SGCD: variants seen among roughly 807,000 people sequenced by gnomAD.
The protein encoded by SGCD is sarcoglycan delta, also known as delta-sarcoglycan.
SGCD carries 18 observed loss-of-function variants against 36.6 expected under a neutral mutation model. The ratio of observed to expected loss-of-function variants is 0.49; its 90% CI spans 0.34 to 0.73. The LOEUF is 0.73. Among genes scored for constraint, SGCD ranks in the 30% least tolerant of loss-of-function variants. SGCD has a pLI of 0.01. For missense variants in SGCD, 387 were observed against 346.7 expected, an observed-to-expected ratio of 1.12 and a Z score of -0.92; for synonymous variants, 133 against 130.6, an observed-to-expected ratio of 1.02 and a Z score of -0.12.
chr5:156,195,278 C>T (rs902380548), intron 3 of SGCD, among the ~76,000 whole-genome samples: 1 of 152,120 alleles, frequency 6.6e-6, no homozygotes, highest in African/African-American at 2.4e-5. Context: ...CCATATGCTT[C>T]GCATTAATCA....
intron 3 of SGCD, among the ~76,000 whole-genome samples, chr5:156,133,925 A>G (rs1386811725): frequency 7.8e-5 from 6 of 76,668 alleles, no homozygotes; most frequent in Non-Finnish European, 1.4e-4. Flanking sequence ...ACACACACAC[A>G]CACACACACA....
chr5:155,962,286 T>C (rs545738978), intron 1 of SGCD, among the ~76,000 whole-genome samples: 3 of 152,240 alleles, frequency 2.0e-5, no homozygotes, highest in African/African-American at 7.2e-5. Flanking sequence ...TCAGAAACTC[T>C]GAAGTTCATA....
chr5:156,468,621 TTGTC>T (rs1185654415), intron 3 of SGCD, among the ~76,000 whole-genome samples: 2 of 152,182 alleles, frequency 1.3e-5, no homozygotes, highest in Non-Finnish European at 2.9e-5. Flanking sequence ...CAGGTTTTCT[TTGTC>T]TGATCTTGAA....
At position 156,261,949 on chromosome 5, in the gene SGCD, G is replaced by T. The variant is rs537101620; in HGVS notation, c.-43-67585G>T. Among the ~76,000 whole-genome samples, 113 of 152,250 alleles carry T rather than the reference G, an allele frequency of 7.4e-4. 1 individual carries two copies. Among genetic ancestry groups the T allele is most frequent in the African/African-American group, 2.6e-3 (108 of 41,552 alleles). ...AGAAAAATATTTGTGGTATACAGCTGTACGATGTATTTGTGCTTCAAACTA... is the reference window on the plus strand; with the variant it reads ...AGAAAAATATTTGTGGTATACAGCTTTACGATGTATTTGTGCTTCAAACTA... On this transcript the variant is annotated intron_variant, in intron 3 of 9. Coordinates refer to the SGCD transcript ENST00000517913.
At chr5:156,369,222 A>G (rs993452639) in intron 3 of SGCD, among the ~76,000 whole-genome samples, 9 of 152,230 alleles carry the variant, frequency 5.9e-5, no homozygotes, top group African/African-American at 2.2e-4. Flanking sequence ...TGAGTAGTGA[A>G]CATAGTTGAT....
intron 3 of SGCD, among the ~76,000 whole-genome samples, chr5:156,147,523 G>A (rs1263829142): frequency 1.3e-5 from 2 of 152,050 alleles, no homozygotes; most frequent in Non-Finnish European, 2.9e-5. Context: ...GTTTCTTGCT[G>A]CATCACTCCC....
chr5:156,474,064 G>A (rs1398849378), intron 3 of SGCD, among the ~76,000 whole-genome samples: 1 of 151,836 alleles, frequency 6.6e-6, no homozygotes, highest in Non-Finnish European at 1.5e-5. Flanking sequence ...TCTCCAGTGG[G>A]GGAGGGAGAG....
At chr5:156,317,388 C>A (rs1176943925) in intron 3 of SGCD, among the ~76,000 whole-genome samples, 2 of 152,070 alleles carry the variant, frequency 1.3e-5, no homozygotes, top group Non-Finnish European at 2.9e-5. Flanking sequence ...ATAACAGGAT[C>A]TTCTGATGAA....
At chr5:156,003,042 G>A (rs1244603622) in intron 1 of SGCD, among the ~76,000 whole-genome samples, 1 of 152,134 alleles carries the variant, frequency 6.6e-6, no homozygotes, top group Non-Finnish European at 1.5e-5. Flanking sequence ...GGTCTTCACC[G>A]GAGAGCCTCA....
chr5:156,330,395 T>C (rs1158635564), intron 2 of SGCD, among the ~76,000 whole-genome samples: 1 of 152,112 alleles, frequency 6.6e-6, no homozygotes, highest in East Asian at 1.9e-4. Flanking sequence ...TTAGGTCAGG[T>C]CCTGGCTCCA....
chr5:156,160,051 A>C (rs1182863258), intron 3 of SGCD, among the ~76,000 whole-genome samples: 3 of 151,656 alleles, frequency 2.0e-5, no homozygotes, highest in African/African-American at 4.9e-5. Flanking sequence ...TTAATATTTC[A>C]GTCAGTATAA....
the SGCD span, among the ~76,000 whole-genome samples, chr5:155,757,737 T>C: frequency 2.0e-5 from 3 of 152,316 alleles, no homozygotes; most frequent in Admixed American, 1.3e-4. Context: ...TGGACTTGCA[T>C]GGCTTCCAGG....
chr5:155,817,111 A>G, the SGCD span, among the ~76,000 whole-genome samples: 1 of 152,216 alleles, frequency 6.6e-6, no homozygotes, highest in Non-Finnish European at 1.5e-5. Context: ...AATAACTTTA[A>G]CAGTATAAAT....
chr5:156,058,582 C>A (rs148054464), intron 1 of SGCD, among the ~76,000 whole-genome samples: 1 of 145,208 alleles, frequency 6.9e-6, no homozygotes, highest in Non-Finnish European at 1.5e-5. Context: ...AATAGCAATG[C>A]GTGGGCCTAA....
At chr5:156,084,894 T>C (rs761450786) in intron 1 of SGCD, among the ~76,000 whole-genome samples, 23 of 152,236 alleles carry the variant, frequency 1.5e-4, no homozygotes, top group Non-Finnish European at 3.2e-4. Context: ...AATTTTATCA[T>C]GAATGGATGT....
rs901761698 is a variant in SGCD, at chr5:156,311,575, A to C, written c.-43-17959A>C. On this transcript the variant is annotated intron_variant, in intron 3 of 9. Coordinates refer to the SGCD transcript ENST00000517913. Reference sequence around the variant, plus strand: ...AAGACCTTAAGATATGACCTACTTGAATATGTTCTTCAGCAATGTCTTAGG... The same window carrying C: ...AAGACCTTAAGATATGACCTACTTGCATATGTTCTTCAGCAATGTCTTAGG... 2.2e-5 allele frequency among the ~76,000 whole-genome samples: 3 copies of C among 136,808 alleles called. No individual in the cohort carries two copies. In the East Asian group the frequency reaches 6.6e-4, roughly 30 times the overall value. The allele number at this position is 136,808 out of a possible 152,430, so 89.8% of individuals were successfully genotyped here.
chr5:156,268,816 A>G (rs1487442791), intron 3 of SGCD, among the ~76,000 whole-genome samples: 1 of 151,812 alleles, frequency 6.6e-6, no homozygotes, highest in African/African-American at 2.4e-5. Flanking sequence ...CTGGTCTCGA[A>G]CTCCTAACCT....
intron 3 of SGCD, among the ~76,000 whole-genome samples, chr5:156,252,055 A>G (rs982878374): frequency 1.3e-5 from 2 of 151,594 alleles, no homozygotes; most frequent in Non-Finnish European, 2.9e-5. Context: ...ACTCATTTTG[A>G]TATTAGCATT....
the SGCD span, among the ~76,000 whole-genome samples, chr5:155,799,318 G>T: frequency 6.6e-6 from 1 of 151,396 alleles, no homozygotes; most frequent in African/African-American, 2.4e-5. Context: ...GGTTGCTACT[G>T]TTATATGGTA....
Sources: allele counts gnomAD v4.1 joint callset (sites outside exome capture counted in the v4.1 genomes callset), GRCh38; gene constraint gnomAD v4.1.1; transcripts MANE v1.5; gene names NCBI Gene and HGNC (gene_info 2026-07-23, HGNC 2026-07-21).